Variants in CNTLN observed in about 807,000 individuals in gnomAD.
CNTLN encodes the protein centlein, centrosomal protein.
A neutral mutation model predicts 180.0 loss-of-function variants in CNTLN; 212 were observed. The ratio of observed to expected loss-of-function variants is 1.18; its 90% CI spans 1.05 to 1.32. The LOEUF (loss-of-function observed/expected upper bound fraction) is 1.32, where lower values mean the gene tolerates loss of function less well. Among genes scored for constraint, CNTLN ranks in the 40% most tolerant of loss-of-function variants. The pLI, the probability that CNTLN is intolerant of heterozygous loss-of-function variation, is 0.00. For synonymous variants in CNTLN, 722 were observed against 563.1 expected (o/e 1.28, Z -3.99); for missense variants, 2,095 against 1,610.9 (o/e 1.30, Z -5.14).
At chr9:17,359,748 A>AAAC (rs1823194815) in intron 12 of CNTLN, among the ~76,000 whole-genome samples, 3 of 134,812 alleles carry the variant, frequency 2.2e-5, no homozygotes, top group African/African-American at 8.1e-5. Flanking sequence ...AAAAAAAAAA[A>AAAC]AACTAGCTGG....
At chr9:17,135,918 G>C (rs912428992) in intron 1 of CNTLN, among the ~76,000 whole-genome samples, 6 of 152,320 alleles carry the variant, frequency 3.9e-5, no homozygotes, top group Admixed American at 1.3e-4. Flanking sequence ...TGTAAACACA[G>C]ACGAGTAACG....
the CNTLN span, among the ~76,000 whole-genome samples, chr9:17,510,641 T>C: frequency 6.6e-6 from 1 of 152,308 alleles, no homozygotes. Flanking sequence ...GCCTTTGGAC[T>C]TGAATTACAA....
At chr9:17,200,579 T>G (rs1822453310) in intron 2 of CNTLN, among the ~76,000 whole-genome samples, 1 of 152,130 alleles carries the variant, frequency 6.6e-6, no homozygotes, top group Admixed American at 6.5e-5. Flanking sequence ...TTCCTAGGTA[T>G]TTTATTTTCT....
the CNTLN span, among the ~76,000 whole-genome samples, chr9:17,511,760 A>T: frequency 6.6e-6 from 1 of 152,130 alleles, no homozygotes. Context: ...GAGCCATTTC[A>T]TGAGCTGCCC....
chr9:17,185,522 C>T (rs1189509409), intron 2 of CNTLN, among the ~76,000 whole-genome samples: 2 of 152,074 alleles, frequency 1.3e-5, no homozygotes, highest in Non-Finnish European at 2.9e-5. Flanking sequence ...TAAATATATG[C>T]TAATTCTTTT....
intron 5 of CNTLN, among the ~76,000 whole-genome samples, chr9:17,265,602 C>T (rs1175745548): frequency 6.6e-6 from 1 of 152,094 alleles, no homozygotes; most frequent in Admixed American, 6.6e-5. Flanking sequence ...GGAATAGTTT[C>T]AGATGGAGTG....
chr9:17,220,202 T>A (rs1457923203), intron 2 of CNTLN, among the ~76,000 whole-genome samples: 1 of 152,082 alleles, frequency 6.6e-6, no homozygotes, highest in African/African-American at 2.4e-5. Flanking sequence ...ACTGTGAGTA[T>A]GTGTACATAC....
chr9:17,143,143 AC>A, intron 1 of CNTLN, 144 bp from the exon 2 acceptor site: 2 of 546,070 alleles, frequency 3.7e-6, no homozygotes, highest in Middle Eastern at 4.5e-4. Flanking sequence ...ATAAAGTTTT[AC>A]CCCATTCCTT....
At chr9:17,348,845 T>C (rs796355122) in intron 12 of CNTLN, among the ~76,000 whole-genome samples, 8 of 152,304 alleles carry the variant, frequency 5.3e-5, no homozygotes, top group African/African-American at 1.7e-4. Flanking sequence ...TCTGCTTTCA[T>C]TGACGGAGCA....
rs1821044593 is a variant in CNTLN at position 17,180,344 on chromosome 9, A to G, written c.449+36968A>G. Among the ~76,000 whole-genome samples, 2 of 129,958 alleles carry G rather than the reference A, an allele frequency of 1.5e-5. 1 individual carries two copies. The highest frequency in any genetic ancestry group is 1.5e-4 in the Admixed American group (2 of 13,308). The allele number at this position is 129,958 out of a possible 152,430, so 85.3% of individuals were successfully genotyped here. ...TGTATATATCTTTAGTGGTTGCTCT[A>G]ATTATTATATTATATTATATTATAT... On this transcript the variant is annotated intron_variant, in intron 2 of 25. Transcript: ENST00000380647.
At chr9:17,338,261 T>C (rs1370216057) in intron 10 of CNTLN, among the ~76,000 whole-genome samples, 1 of 150,512 alleles carries the variant, frequency 6.6e-6, no homozygotes, top group Admixed American at 6.6e-5. Flanking sequence ...GCCTCCTGGG[T>C]TCAAGCGATT....
intron 19 of CNTLN, among the ~76,000 whole-genome samples, chr9:17,460,203 A>T (rs181943856): frequency 2.0e-4 from 31 of 151,732 alleles, no homozygotes; most frequent in African/African-American, 7.0e-4. Context: ...GTCCGAGATC[A>T]CACAAGTACT....
At chr9:17,516,578 C>A in the CNTLN span, among the ~76,000 whole-genome samples, 1 of 152,016 alleles carries the variant, frequency 6.6e-6, no homozygotes, top group Admixed American at 6.6e-5. Context: ...CTCAACAGTC[C>A]CTATTTGTTT....
chr9:17,257,484 A>G (rs866173738), intron 5 of CNTLN, among the ~76,000 whole-genome samples: 1,577 of 150,730 alleles, frequency 0.01, 32 homozygotes, highest in African/African-American at 0.038. Context: ...TCCTTTGGGT[A>G]TATACCCAGT....
In CNTLN at chr9:17,394,997, A is replaced by G; in HGVS notation, c.2543A>G (p.His848Arg). 2 of 1,613,608 alleles carry G rather than the reference A, an allele frequency of 1.2e-6. No individual in the cohort carries two copies. Among genetic ancestry groups the G allele is most frequent in the Non-Finnish European group, 8.5e-7 (1 of 1,179,650 alleles). The change falls in exon 15 of 26, where the codon CAT (histidine) becomes CGT (arginine). Residue 848 changes from histidine (H) to arginine (R), a missense_variant. By Grantham distance (29) the His-to-Arg change is conservative (BLOSUM62 0). Coordinates refer to ENST00000380647, the MANE Select transcript of CNTLN (RefSeq NM_017738.4). ...SVGRHHTVLN[H>R]SIKVMSNVFE... ...GGTCGTCACCACACTGTTCTCAATC[A>G]TTCCATCAAGGTTATGAGCAATGTG...
At chr9:17,223,336 T>TGGATGACTCCTAAA (rs1277182252) in intron 2 of CNTLN, among the ~76,000 whole-genome samples, 1 of 151,998 alleles carries the variant, frequency 6.6e-6, no homozygotes, top group Non-Finnish European at 1.5e-5. Context: ...CTCCTAAAGT[T>TGGATGACTCCTAAA]GTATCTCCAG....
At chr9:17,479,415 C>T (rs1024605221) in intron 23 of CNTLN, among the ~76,000 whole-genome samples, 2 of 152,134 alleles carry the variant, frequency 1.3e-5, no homozygotes, top group African/African-American at 2.4e-5. Context: ...CGGCATTATG[C>T]TCAGTGAAAA....
At chr9:17,313,135 T>G (rs1819323200) in intron 8 of CNTLN, among the ~76,000 whole-genome samples, 1 of 152,218 alleles carries the variant, frequency 6.6e-6, no homozygotes, top group East Asian at 1.9e-4. Context: ...TATAGCCAAT[T>G]CTTCCCTTTA....
At chr9:17,181,050 C>T (rs1298237504) in intron 2 of CNTLN, among the ~76,000 whole-genome samples, 11 of 152,064 alleles carry the variant, frequency 7.2e-5, no homozygotes, top group Admixed American at 7.2e-4. Context: ...TTATTGTGTT[C>T]GGGTTTGTTC....
Sources: allele counts gnomAD v4.1 joint callset (sites outside exome capture counted in the v4.1 genomes callset), GRCh38; gene constraint gnomAD v4.1.1; transcripts MANE v1.5; gene names NCBI Gene and HGNC (gene_info 2026-07-23, HGNC 2026-07-21).